The following AP4E1 variants were observed in gnomAD, a reference collection of about 807,000 sequenced individuals.
AP4E1 encodes the protein adaptor related protein complex 4 subunit epsilon 1.
In AP4E1, 56 loss-of-function variants were observed where a neutral mutation model predicts 128.2. That is an observed-to-expected ratio of 0.44 (90% CI 0.35 to 0.55). The LOEUF (loss-of-function observed/expected upper bound fraction) is 0.55, where lower values mean the gene tolerates loss of function less well. AP4E1 is among the 20% of genes least tolerant of loss of function. AP4E1 has a pLI of 0.00. For synonymous variants in AP4E1, 484 were observed against 473.1 expected (o/e 1.02, Z -0.30); for missense variants, 1,324 against 1,307.7 (o/e 1.01, Z -0.19).
intron 14 of AP4E1, among the ~76,000 whole-genome samples, chr15:50,959,633 G>A (rs1400374122): frequency 2.0e-5 from 3 of 152,046 alleles, no homozygotes; most frequent in Non-Finnish European, 4.4e-5. Context: ...AAAACTCACT[G>A]GTAAGGCAGA....
At chr15:50,936,370 T>TC (rs1252894422) in intron 8 of AP4E1, among the ~76,000 whole-genome samples, 1 of 152,064 alleles carries the variant, frequency 6.6e-6, no homozygotes, top group Non-Finnish European at 1.5e-5. Flanking sequence ...TTTTTTTTTT[T>TC]CCCTTGCAGA....
At chr15:50,936,531 C>T (rs984941232) in intron 8 of AP4E1, among the ~76,000 whole-genome samples, 1 of 152,162 alleles carries the variant, frequency 6.6e-6, no homozygotes, top group Non-Finnish European at 1.5e-5. Context: ...TTATCACCCA[C>T]CACCCAGTTC....
At chr15:50,913,861 T>C (rs937161923) in intron 2 of AP4E1, among the ~76,000 whole-genome samples, 1 of 152,182 alleles carries the variant, frequency 6.6e-6, no homozygotes, top group Non-Finnish European at 1.5e-5. Flanking sequence ...TTGCCTAGGC[T>C]GGAGTGCAAC....
chr15:50,925,176 C>A lies in AP4E1; in HGVS notation c.499C>A (p.Pro167Thr). 6.2e-7 allele frequency: 1 copy of A among 1,613,686 alleles called. No homozygotes were observed. The highest frequency in any genetic ancestry group is 1.1e-5 in the South Asian group (1 of 91,062). Residue 167 changes from proline (P) to threonine (T), a missense_variant, in exon 5 of 21, where the codon CCA becomes ACA. Transcript: ENST00000261842. ...CCAGATTTTCCCCTGCGAAATGATT[C>A]CAGCTGTTCTTCCATTAATAGAAGA... ...VSQIFPCEMI[P>T]AVLPLIEDKL...
chr15:50,930,942 A>T lies in AP4E1; in HGVS notation c.840A>T (p.Ile280=). The change falls in exon 7 of 21, where the codon ATA becomes ATT. Residue 280 remains isoleucine (I), a synonymous_variant. Coordinates refer to ENST00000261842, the MANE Select transcript of AP4E1 (RefSeq NM_007347.5). ...APWLQIQLLR[I]LGLLGKDDQR... ...GGTTACAAATTCAGCTCTTGAGAAT[A>T]CTGGGACTTCTAGGAAAAGATGATC... is the stretch of plus-strand genomic sequence containing the variant. 1 of 1,614,154 alleles carries T rather than the reference A, an allele frequency of 6.2e-7. No individual in the cohort carries two copies. The highest frequency in any genetic ancestry group is 8.5e-7 in the Non-Finnish European group (1 of 1,180,034).
At chr15:50,944,395 C>T (rs1477272072) in intron 10 of AP4E1, among the ~76,000 whole-genome samples, 1 of 152,098 alleles carries the variant, frequency 6.6e-6, no homozygotes, top group Non-Finnish European at 1.5e-5. Flanking sequence ...ATACCCCATT[C>T]AGTTCTGGAA....
Position 50,958,649 on chromosome 15 carries a change from A to T in AP4E1, c.1706A>T (p.Asn569Ile). 6.2e-7 allele frequency: 1 copy of T among 1,614,144 alleles called. No homozygotes were observed. Among genetic ancestry groups the T allele is most frequent in the Non-Finnish European group, 8.5e-7 (1 of 1,180,008 alleles). Residue 569 changes from asparagine to isoleucine, a missense_variant, in exon 14 of 21, where the codon AAT (asparagine) becomes ATT (isoleucine). Transcript: ENST00000261842. ...TKLTSQAHSS[N>I]TVERLIHEFT... is the part of the protein sequence containing the mutation. Reference sequence around the variant, plus strand: ...TTGACATCTCAGGCGCACTCTTCTAATACAGTTGAGAGATTAATCCATGAA... The same window carrying T: ...TTGACATCTCAGGCGCACTCTTCTATTACAGTTGAGAGATTAATCCATGAA...
rs1009339625 is a variant in AP4E1, at chr15:50,960,663, C to T, written c.1851+1869C>T. 3.3e-5 allele frequency among the ~76,000 whole-genome samples: 5 copies of T among 151,874 alleles called. No homozygotes were observed. The East Asian group carries it at 9.6e-4, about 29-fold the overall frequency. ...AGAGGGAAGTTTATAGCAATAAGCA[C>T]ATACATCAGAAAAGTAGAAGGATTT... On this transcript the variant is annotated intron_variant, in intron 14 of 20. Coordinates refer to ENST00000261842, the MANE Select transcript of AP4E1 (RefSeq NM_007347.5).
chr15:50,936,662 A>T (rs1332359805), intron 8 of AP4E1, among the ~76,000 whole-genome samples: 5 of 152,156 alleles, frequency 3.3e-5, no homozygotes, highest in Non-Finnish European at 7.4e-5. Flanking sequence ...TTGGCCAGGC[A>T]TGGTGGCTCA....
rs28497053 is a variant in AP4E1 at position 50,921,332 on chromosome 15, T to C, written c.347-2599T>C. ...TTAAGTGCTTTATCTTCTGAGATAG[T>C]ATTTATCTTCATTTTACCTTTTCTT... On this transcript the variant is annotated intron_variant, in intron 3 of 20. Coordinates refer to ENST00000261842, the MANE Select transcript of AP4E1 (RefSeq NM_007347.5). Among the ~76,000 whole-genome samples, 755 of 152,140 alleles carry C rather than the reference T, an allele frequency of 5.0e-3. 11 individuals carry two copies. Among genetic ancestry groups the C allele is most frequent in the African/African-American group, 0.018 (732 of 41,508 alleles).
chr15:50,964,856 G>T (rs372162224), intron 14 of AP4E1, among the ~76,000 whole-genome samples: 4 of 151,662 alleles, frequency 2.6e-5, no homozygotes, highest in African/African-American at 9.7e-5. Context: ...GAGTTGTTTG[G>T]GTTATGAAGG....
intron 13 of AP4E1, among the ~76,000 whole-genome samples, chr15:50,957,671 CTTTTTTTTTTT>C (rs61656848): frequency 2.2e-3 from 193 of 87,986 alleles, no homozygotes; most frequent in African/African-American, 9.0e-3. Flanking sequence ...ACAAGCGTTT[CTTTTTTTTTTT>C]TTTTTTTTTT....
At chr15:50,972,266 C>T (rs951074035) in intron 15 of AP4E1, among the ~76,000 whole-genome samples, 2 of 151,978 alleles carry the variant, frequency 1.3e-5, no homozygotes, top group South Asian at 2.1e-4. Context: ...GGCTGGAGTG[C>T]GGTGGCATGA....
rs2289304 is a variant in AP4E1, at chr15:50,997,198, T to C, written c.2347-128T>C. 191,212 of 795,616 alleles carry C rather than the reference T, an allele frequency of 0.24. 24,988 individuals carry two copies. The highest frequency in any genetic ancestry group is 0.4 in the East Asian group (13,806 of 34,658). The allele number at this position is 795,616 out of a possible 1,614,324, so 49.3% of individuals were successfully genotyped here. On this transcript the variant is annotated intron_variant, in intron 17 of 20. Transcript: ENST00000261842. ...ATGTTATTTATCTCTGATTCTTTAC[T>C]AATTTATTCTTTATAGATAGAACCT...
intron 1 of AP4E1, among the ~76,000 whole-genome samples, chr15:50,911,801 A>AT (rs2063570304): frequency 6.6e-6 from 1 of 152,140 alleles, no homozygotes; most frequent in African/African-American, 2.4e-5. Context: ...TTAAAAAAAA[A>AT]CATTTTCTGC....
intron 16 of AP4E1, 48 bp downstream of exon 16, chr15:50,984,193 TC>T (rs745312692): frequency 1.2e-6 from 2 of 1,603,296 alleles, no homozygotes; most frequent in South Asian, 2.2e-5. Flanking sequence ...TGCTTAAATG[TC>T]TTTTAGCGTT....
chr15:50,935,208 C>T (rs1475292287), intron 8 of AP4E1, among the ~76,000 whole-genome samples: 1 of 151,926 alleles, frequency 6.6e-6, no homozygotes, highest in Admixed American at 6.6e-5. Context: ...AAGAGAATTG[C>T]AGGGCATGGT....
intron 11 of AP4E1, among the ~76,000 whole-genome samples, chr15:50,948,505 G>A (rs2064096723): frequency 6.6e-6 from 1 of 152,050 alleles, no homozygotes; most frequent in African/African-American, 2.4e-5. Context: ...TGGGGAAAGT[G>A]GAGGGTGTGT....
intron 16 of AP4E1, among the ~76,000 whole-genome samples, chr15:50,985,391 A>G (rs1054714568): frequency 2.0e-5 from 3 of 152,188 alleles, no homozygotes; most frequent in Non-Finnish European, 2.9e-5. Context: ...GCCCATGCCT[A>G]CGTCCTGAAT....
Sources: gnomAD v4.1 joint callset for allele counts (sites outside exome capture counted in the v4.1 genomes callset) on GRCh38, gnomAD v4.1.1 for gene constraint, MANE v1.5 for transcripts, NCBI Gene and HGNC (gene_info 2026-07-23, HGNC 2026-07-21) for gene names.